The following SGCG variants were observed in gnomAD, a reference collection of about 807,000 sequenced individuals.
SGCG encodes sarcoglycan gamma, also known as gamma-sarcoglycan.
In SGCG, 26 loss-of-function variants were observed where a neutral mutation model predicts 29.3. The observed-to-expected ratio is 0.89, with a 90% CI of 0.65 to 1.23. The LOEUF (loss-of-function observed/expected upper bound fraction) is 1.23. SGCG is among the 50% of genes most tolerant of loss of function. The pLI is 0.00. For synonymous variants in SGCG, 145 were observed against 129.7 expected (o/e 1.12, Z -0.80); for missense variants, 353 against 356.0 (o/e 0.99, Z 0.07).
intron 6 of SGCG, among the ~76,000 whole-genome samples, chr13:23,304,995 GCTCA>G (rs947518175): frequency 8.4e-4 from 5 of 5,974 alleles, no homozygotes; most frequent in African/African-American, 1.4e-3. Flanking sequence ...GCGTGCACGT[GCTCA>G]CACACACACA....
chr13:23,279,343 T>C lies in SGCG; in HGVS notation c.386-16T>C. On this transcript the variant is annotated splice_polypyrimidine_tract_variant and intron_variant, in intron 4 of 7. Transcript: ENST00000218867. ...TTGTAGTGAACAGTTTATAATAAAC[T>C]GTTTTAATTCTTCAGGTCCCAAAAT... The C allele has an allele frequency of 6.2e-7, 1 of 1,610,798 alleles. No homozygotes were observed. Among genetic ancestry groups the C allele is most frequent in the African/African-American group, 1.3e-5 (1 of 74,982 alleles).
chr13:23,235,769 T>C (rs1427926619), intron 3 of SGCG, among the ~76,000 whole-genome samples: 3 of 152,206 alleles, frequency 2.0e-5, no homozygotes, highest in Non-Finnish European at 4.4e-5. Context: ...TTTCCTTTCA[T>C]ATTTCTGAAT....
chr13:23,227,655 A>C (rs1593184523), intron 2 of SGCG, among the ~76,000 whole-genome samples: 1 of 152,188 alleles, frequency 6.6e-6, no homozygotes, highest in Non-Finnish European at 1.5e-5. Context: ...ATTTTAGTGA[A>C]AGAAGCCTAT....
rs373808497 is a variant in SGCG at position 23,201,411 on chromosome 13, A to G, written c.1-2284A>G. Among the ~76,000 whole-genome samples the G allele has an allele frequency of 3.3e-3, 504 of 152,152 alleles. 2 individuals carry two copies. The highest frequency in any genetic ancestry group is 0.011 in the African/African-American group (475 of 41,498). ...GGTGTGGTTATGCCCAGGCTCTCGA[A>G]AGGGAAAGACCATCCTGGGTAATCC... is the stretch of plus-strand genomic sequence containing the variant. On this transcript the variant is annotated intron_variant, in intron 1 of 7. Transcript: ENST00000218867.
intron 2 of SGCG, among the ~76,000 whole-genome samples, chr13:23,232,692 G>A (rs1879156818): frequency 6.6e-6 from 1 of 152,084 alleles, no homozygotes; most frequent in Non-Finnish European, 1.5e-5. Context: ...TGAGGCAGGA[G>A]AATGGTGTGA....
chr13:23,191,795 C>T (rs1042400370), intron 1 of SGCG, among the ~76,000 whole-genome samples: 1 of 152,104 alleles, frequency 6.6e-6, no homozygotes, highest in African/African-American at 2.4e-5. Flanking sequence ...TTTTATATGA[C>T]GTCAAGCCCT....
intron 4 of SGCG, among the ~76,000 whole-genome samples, chr13:23,261,522 C>A (rs918493534): frequency 4.0e-5 from 6 of 151,836 alleles, no homozygotes; most frequent in Non-Finnish European, 7.4e-5. Context: ...GTAAAACAAC[C>A]AAACTAACAA....
chr13:23,265,577 A>T (rs776086152), intron 4 of SGCG, among the ~76,000 whole-genome samples: 5 of 151,000 alleles, frequency 3.3e-5, no homozygotes, highest in Non-Finnish European at 5.9e-5. Flanking sequence ...ACTCCGTCTC[A>T]AAAAAAATAA....
At chr13:23,166,441 G>C in the SGCG span, among the ~76,000 whole-genome samples, 1 of 152,030 alleles carries the variant, frequency 6.6e-6, no homozygotes, top group Non-Finnish European at 1.5e-5. Context: ...TGATCTGCCC[G>C]CCCCAGCCTC....
chr13:23,174,694 A>G, the SGCG span, among the ~76,000 whole-genome samples: 1 of 152,248 alleles, frequency 6.6e-6, no homozygotes, highest in Non-Finnish European at 1.5e-5. Context: ...ATTCAGAGGG[A>G]TAGTTTTAAA....
chr13:23,177,732 C>T (rs965835193), upstream of SGCG, among the ~76,000 whole-genome samples: 4 of 81,194 alleles, frequency 4.9e-5, no homozygotes, highest in South Asian at 4.5e-4. Flanking sequence ...CCACCATGTC[C>T]GGCTATTTTT....
intron 6 of SGCG, among the ~76,000 whole-genome samples, chr13:23,319,524 A>G (rs1428135647): frequency 6.6e-6 from 1 of 152,200 alleles, no homozygotes; most frequent in Non-Finnish European, 1.5e-5. Context: ...GATTAAAAAA[A>G]ACTTGCCAAT....
At chr13:23,323,050 G>C (rs949027067) in intron 7 of SGCG, among the ~76,000 whole-genome samples, 1 of 152,110 alleles carries the variant, frequency 6.6e-6, no homozygotes. Flanking sequence ...GTGTAGTAAA[G>C]GTGTAGGTGG....
At chr13:23,218,456 G>A (rs1196311733) in intron 2 of SGCG, among the ~76,000 whole-genome samples, 1 of 152,058 alleles carries the variant, frequency 6.6e-6, no homozygotes, top group Non-Finnish European at 1.5e-5. Context: ...TCACTTTTCT[G>A]AAGATGTTAT....
At chr13:23,203,238 C>T (rs58383737) in intron 1 of SGCG, among the ~76,000 whole-genome samples, 13,757 of 152,190 alleles carry the variant, frequency 0.09, 840 homozygotes, top group South Asian at 0.2. Flanking sequence ...GAATTACAGG[C>T]GTGAGCCACT....
At chr13:23,193,898 G>A (rs1182314462) in intron 1 of SGCG, among the ~76,000 whole-genome samples, 1 of 152,160 alleles carries the variant, frequency 6.6e-6, no homozygotes, top group Admixed American at 6.5e-5. Context: ...CAGAGAAAAA[G>A]AGAAGATTAT....
the SGCG span, among the ~76,000 whole-genome samples, chr13:23,169,051 AT>A: frequency 6.6e-6 from 1 of 151,374 alleles, no homozygotes; most frequent in Non-Finnish European, 1.5e-5. Context: ...TTATATATAT[AT>A]AAATATATTT....
intron 5 of SGCG, among the ~76,000 whole-genome samples, chr13:23,279,721 C>CCTTCCTTCCTTCCTTCCTTCCTTCCTT (rs1881231457): frequency 1.0e-5 from 1 of 100,488 alleles, no homozygotes; most frequent in East Asian, 2.4e-4. Context: ...CTTCCTTCCT[C>CCTTCCTTCCTTCCTTCCTTCCTTCCTT]CCTTCCTTCT....
chr13:23,296,255 G>A (rs192732504), intron 6 of SGCG, among the ~76,000 whole-genome samples: 18 of 152,294 alleles, frequency 1.2e-4, no homozygotes, highest in Admixed American at 5.9e-4. Flanking sequence ...TTATGTGGCC[G>A]TGAAATGTGC....
Sources: gnomAD v4.1 joint callset for allele counts (sites outside exome capture counted in the v4.1 genomes callset) on GRCh38, gnomAD v4.1.1 for gene constraint, MANE v1.5 for transcripts, NCBI Gene and HGNC (gene_info 2026-07-23, HGNC 2026-07-21) for gene names.